Variants in DSCAM observed in about 807,000 individuals in gnomAD.
The protein encoded by DSCAM is DS cell adhesion molecule.
A neutral mutation model predicts 217.7 loss-of-function variants in DSCAM; 47 were observed. That is an observed-to-expected ratio of 0.22 (90% CI 0.17 to 0.28). The LOEUF (loss-of-function observed/expected upper bound fraction) is 0.28. Among genes scored for constraint, DSCAM ranks in the 10% least tolerant of loss-of-function variants. The pLI is 1.00. For missense variants in DSCAM, 2,080 were observed against 2,618.3 expected (o/e 0.79, Z 4.49); for synonymous variants, 1,056 against 1,015.3 (o/e 1.04, Z -0.76).
chr21:40,560,725 T>C (rs2076713989), intron 3 of DSCAM, among the ~76,000 whole-genome samples: 2 of 152,168 alleles, frequency 1.3e-5, no homozygotes, highest in Admixed American at 1.3e-4. Context: ...GGCAACACAA[T>C]GCATTGTAGA....
At chr21:40,760,645 A>C (rs1313896271) in intron 1 of DSCAM, among the ~76,000 whole-genome samples, 1 of 152,200 alleles carries the variant, frequency 6.6e-6, no homozygotes, top group Non-Finnish European at 1.5e-5. Flanking sequence ...CAGCTGTGGC[A>C]TTTTGCCACC....
At chr21:40,266,979 C>A (rs1215959560) in intron 11 of DSCAM, among the ~76,000 whole-genome samples, 2 of 137,656 alleles carry the variant, frequency 1.5e-5, no homozygotes, top group African/African-American at 5.4e-5. Context: ...AAGCTTTGGG[C>A]ACACAAAGGC....
chr21:40,740,464 T>C (rs770254711), intron 1 of DSCAM, among the ~76,000 whole-genome samples: 3 of 152,198 alleles, frequency 2.0e-5, no homozygotes, highest in African/African-American at 4.8e-5. Flanking sequence ...ATTAGAGCCA[T>C]TGGGAATAAA....
In DSCAM at chr21:40,060,000, G is replaced by C. The variant is rs141599979; in HGVS notation, c.4919+2869C>G. 5.6e-3 allele frequency among the ~76,000 whole-genome samples: 846 copies of C among 152,318 alleles called. 7 individuals are homozygous for C. Among genetic ancestry groups the C allele is most frequent in the Middle Eastern group, 0.01 (3 of 294 alleles). On this transcript the variant is annotated intron_variant, in intron 28 of 32. Transcript: ENST00000400454. ...TTTTGTTTGCTTGGCCCATTCACCT[G>C]CCGAACTTAGATTGAACCAACCTTT... is the stretch of plus-strand genomic sequence containing the variant.
At chr21:40,150,378 ATTCT>A (rs1400488418) in intron 16 of DSCAM, among the ~76,000 whole-genome samples, 6 of 152,366 alleles carry the variant, frequency 3.9e-5, no homozygotes, top group Middle Eastern at 3.4e-3. Flanking sequence ...GCAAGCAAAA[ATTCT>A]TTATCAGGGA....
intron 20 of DSCAM, among the ~76,000 whole-genome samples, chr21:40,119,601 G>T (rs2090009554): frequency 6.6e-6 from 1 of 152,022 alleles, no homozygotes; most frequent in African/African-American, 2.4e-5. Context: ...GATAAAGGAA[G>T]AATATTGGGA....
intron 1 of DSCAM, among the ~76,000 whole-genome samples, chr21:40,844,285 C>A (rs1159516406): frequency 6.6e-6 from 1 of 152,104 alleles, no homozygotes; most frequent in Non-Finnish European, 1.5e-5. Context: ...ATGTAATGAA[C>A]ACCATACCTT....
At chr21:40,789,168 T>A (rs2091618019) in intron 1 of DSCAM, among the ~76,000 whole-genome samples, 2 of 151,882 alleles carry the variant, frequency 1.3e-5, no homozygotes, top group Non-Finnish European at 1.5e-5. Flanking sequence ...GAGCAGAGTT[T>A]GATAACACCA....
chr21:40,671,816 A>G (rs891203604), intron 3 of DSCAM, among the ~76,000 whole-genome samples: 1 of 152,212 alleles, frequency 6.6e-6, no homozygotes, highest in African/African-American at 2.4e-5. Flanking sequence ...TGGAAGTAAG[A>G]AGAATATAAG....
intron 1 of DSCAM, among the ~76,000 whole-genome samples, chr21:40,714,390 A>G (rs964260431): frequency 1.6e-4 from 25 of 152,116 alleles, no homozygotes; most frequent in African/African-American, 6.0e-4. Flanking sequence ...GAGCCCAACA[A>G]AGCCACCAAG....
At chr21:40,815,002 CCA>C (rs983436593) in intron 1 of DSCAM, among the ~76,000 whole-genome samples, 1 of 152,120 alleles carries the variant, frequency 6.6e-6, no homozygotes, top group Non-Finnish European at 1.5e-5. Flanking sequence ...TTGAGAAGGG[CCA>C]CACATCAAAT....
At chr21:40,043,997 C>G in intron 31 of DSCAM, 81 bp downstream of exon 31, 1 of 1,463,730 alleles carries the variant, frequency 6.8e-7, no homozygotes, top group Non-Finnish European at 9.5e-7. Context: ...CCCTCTCTCC[C>G]CTCCCCAAGG....
chr21:40,838,902 G>A (rs1347019944), intron 1 of DSCAM, among the ~76,000 whole-genome samples: 2 of 152,062 alleles, frequency 1.3e-5, no homozygotes, highest in African/African-American at 2.4e-5. Context: ...AAAATTCAAC[G>A]ATTCTACTAT....
chr21:40,646,497 C>T (rs1429127806), intron 3 of DSCAM, among the ~76,000 whole-genome samples: 1 of 152,024 alleles, frequency 6.6e-6, no homozygotes, highest in Non-Finnish European at 1.5e-5. Flanking sequence ...GTGGCATTGA[C>T]TGATCTGGAG....
intron 18 of DSCAM, among the ~76,000 whole-genome samples, chr21:40,134,745 C>T (rs2090189667): frequency 6.6e-6 from 1 of 152,192 alleles, no homozygotes. Flanking sequence ...TCAAAACAAG[C>T]TGCATGTCTG....
intron 8 of DSCAM, among the ~76,000 whole-genome samples, chr21:40,332,373 C>T (rs1405310280): frequency 6.6e-6 from 1 of 152,162 alleles, no homozygotes. Flanking sequence ...CTGTGCGCAG[C>T]CTCATCTCTC....
At chr21:40,209,720 A>G (rs1395941495) in intron 11 of DSCAM, among the ~76,000 whole-genome samples, 1 of 152,152 alleles carries the variant, frequency 6.6e-6, no homozygotes, top group African/African-American at 2.4e-5. Context: ...GGTTCATAGC[A>G]TCATTTAAAT....
At chr21:40,652,148 T>A (rs1204678119) in intron 3 of DSCAM, among the ~76,000 whole-genome samples, 1 of 134,584 alleles carries the variant, frequency 7.4e-6, no homozygotes, top group Admixed American at 7.3e-5. Flanking sequence ...CACTGGGGCC[T>A]GTTGAAGGGT....
At chr21:40,063,738 G>A (rs893092324) in intron 27 of DSCAM, among the ~76,000 whole-genome samples, 11 of 152,188 alleles carry the variant, frequency 7.2e-5, no homozygotes, top group South Asian at 4.1e-4. Flanking sequence ...GAAAGTATAC[G>A]TATGTGGGAG....
Sources: allele counts gnomAD v4.1 joint callset (sites outside exome capture counted in the v4.1 genomes callset), GRCh38; gene constraint gnomAD v4.1.1; transcripts MANE v1.5; gene names NCBI Gene and HGNC (gene_info 2026-07-23, HGNC 2026-07-21).